SUSD6: variants seen among roughly 807,000 people sequenced by gnomAD.
The protein encoded by SUSD6 is sushi domain-containing protein 6.
In SUSD6, 16 loss-of-function variants were observed where a neutral mutation model predicts 28.4. That is an observed-to-expected ratio of 0.56 (90% CI 0.38 to 0.86). The LOEUF is 0.86. SUSD6 is among the 40% of genes least tolerant of loss of function. The pLI, the probability that SUSD6 is intolerant of heterozygous loss-of-function variation, is 0.00. For missense variants in SUSD6, 341 were observed against 384.2 expected, an observed-to-expected ratio of 0.89 and a Z score of 0.94; for synonymous variants, 147 against 159.6, an observed-to-expected ratio of 0.92 and a Z score of 0.59.
intron 2 of SUSD6, among the ~76,000 whole-genome samples, chr14:69,671,544 G>A (rs1885832497): frequency 6.6e-6 from 1 of 152,216 alleles, no homozygotes; most frequent in African/African-American, 2.4e-5. Flanking sequence ...TCCCATGTGG[G>A]TCTTATCTGG....
intron 2 of SUSD6, among the ~76,000 whole-genome samples, chr14:69,671,949 A>G (rs1488498934): frequency 6.6e-6 from 1 of 152,224 alleles, no homozygotes; most frequent in East Asian, 1.9e-4. Context: ...GGAATAGTTA[A>G]GATTGTGAAT....
At chr14:69,635,595 CCACACACACACACACACA>C (rs3048696) in intron 1 of SUSD6, among the ~76,000 whole-genome samples, 15 of 143,514 alleles carry the variant, frequency 1.0e-4, no homozygotes, top group African/African-American at 2.3e-4. Context: ...CCAAGGCACA[CCACACACACACACACACA>C]CACACACACA....
chr14:69,636,095 G>A (rs533918501), intron 1 of SUSD6, among the ~76,000 whole-genome samples: 86 of 152,332 alleles, frequency 5.6e-4, no homozygotes, highest in Non-Finnish European at 8.8e-4. Context: ...GAGAAGAGGA[G>A]GAATTGTGCC....
chr14:69,669,752 C>T lies in SUSD6; in HGVS notation c.121+11039C>T, dbSNP rs558496352. 5.3e-5 allele frequency among the ~76,000 whole-genome samples: 8 copies of T among 152,298 alleles called. 1 individual carries two copies. In the South Asian group the frequency reaches 1.7e-3, roughly 32 times the overall value. ...CTTAGCTTCTTCTGTGGAACATCAC[C>T]CATCTCTCTTACCACTAGAATTAAT... On this transcript the variant is annotated intron_variant, in intron 2 of 5. Coordinates refer to ENST00000342745, the MANE Select transcript of SUSD6 (RefSeq NM_014734.4).
At chr14:69,677,546 CAAAA>C (rs57290539) in intron 2 of SUSD6, among the ~76,000 whole-genome samples, 18 of 114,460 alleles carry the variant, frequency 1.6e-4, no homozygotes, top group Admixed American at 1.8e-4. Context: ...GACTCCGTCT[CAAAA>C]AAAAAAAAAA....
At chr14:69,652,453 G>A (rs755464210) in intron 1 of SUSD6, among the ~76,000 whole-genome samples, 71 of 151,848 alleles carry the variant, frequency 4.7e-4, no homozygotes, top group South Asian at 1.0e-3. Context: ...ACTCTGTCTC[G>A]GAAAAAATAA....
At chr14:69,672,167 C>T (rs1438469023) in intron 2 of SUSD6, among the ~76,000 whole-genome samples, 1 of 152,182 alleles carries the variant, frequency 6.6e-6, no homozygotes, top group Non-Finnish European at 1.5e-5. Flanking sequence ...TATGCAAGAT[C>T]AAACACAAGT....
At chr14:69,668,752 C>A (rs981165481) in intron 2 of SUSD6, among the ~76,000 whole-genome samples, 14 of 152,112 alleles carry the variant, frequency 9.2e-5, no homozygotes, top group Non-Finnish European at 1.9e-4. Flanking sequence ...ATCATGGGAG[C>A]AGATTCCTCA....
At chr14:69,616,513 C>T (rs909295599) in intron 1 of SUSD6, among the ~76,000 whole-genome samples, 3 of 152,184 alleles carry the variant, frequency 2.0e-5, no homozygotes, top group Non-Finnish European at 4.4e-5. Flanking sequence ...AGATTGTTCT[C>T]AGTTGAGCTC....
chr14:69,674,295 G>A (rs2139625436), intron 2 of SUSD6, among the ~76,000 whole-genome samples: 2 of 152,204 alleles, frequency 1.3e-5, no homozygotes, highest in Middle Eastern at 3.4e-3. Flanking sequence ...CTCATGGTAG[G>A]CCTGTGTGCA....
intron 1 of SUSD6, among the ~76,000 whole-genome samples, chr14:69,623,469 A>G (rs961590261): frequency 6.6e-6 from 1 of 152,208 alleles, no homozygotes; most frequent in Non-Finnish European, 1.5e-5. Flanking sequence ...TGTATAGTAC[A>G]TAATACTTGA....
intron 2 of SUSD6, among the ~76,000 whole-genome samples, chr14:69,659,477 C>T (rs1327054383): frequency 6.6e-6 from 1 of 152,202 alleles, no homozygotes; most frequent in Non-Finnish European, 1.5e-5. Context: ...CGGGCCCTAG[C>T]AGGGGCTAGA....
chr14:69,660,629 A>G (rs756233266), intron 2 of SUSD6, among the ~76,000 whole-genome samples: 2 of 152,258 alleles, frequency 1.3e-5, no homozygotes, highest in Non-Finnish European at 2.9e-5. Flanking sequence ...CTGTGTCTTT[A>G]GAGCAGAAGT....
chr14:69,688,440 A>G (rs1254809619), intron 2 of SUSD6, among the ~76,000 whole-genome samples: 1 of 152,228 alleles, frequency 6.6e-6, no homozygotes, highest in Non-Finnish European at 1.5e-5. Context: ...CAGCTTGTGC[A>G]TAGAGGACCT....
intron 2 of SUSD6, among the ~76,000 whole-genome samples, chr14:69,678,201 C>T (rs759159021): frequency 2.6e-5 from 4 of 151,884 alleles, no homozygotes; most frequent in African/African-American, 4.8e-5. Context: ...TGTAACCTTC[C>T]GTAGCATACT....
intron 1 of SUSD6, among the ~76,000 whole-genome samples, chr14:69,629,721 G>A (rs559978224): frequency 2.6e-5 from 4 of 152,216 alleles, no homozygotes; most frequent in South Asian, 2.1e-4. Context: ...GCTTCTTGCC[G>A]TGAGGCTGGG....
chr14:69,618,570 A>G (rs1191779449), intron 1 of SUSD6, among the ~76,000 whole-genome samples: 1 of 152,248 alleles, frequency 6.6e-6, no homozygotes, highest in African/African-American at 2.4e-5. Context: ...GGGATAGGGC[A>G]TATGCCCTTT....
chr14:69,658,638 G>A lies in SUSD6; in HGVS notation c.46G>A (p.Val16Met). The A allele has an allele frequency of 1.9e-6, 3 of 1,614,082 alleles. No homozygotes were observed. Among genetic ancestry groups the A allele is most frequent in the African/African-American group, 1.3e-5 (1 of 75,046 alleles). ...IAPKSTSVFA[V>M]ASVGHGVFLP... The stretch of plus-strand genomic sequence containing the variant: ...ACCAAAGAGCACCTCAGTGTTTGCC[G>A]TGGCCTCCGTGGGACATGGAGTGTT... The change falls in exon 2 of 6, where the codon GTG becomes ATG. Residue 16 changes from valine to methionine, a missense_variant. Transcript: ENST00000342745.
intron 1 of SUSD6, among the ~76,000 whole-genome samples, chr14:69,621,342 GA>G (rs1444459130): frequency 2.0e-5 from 3 of 152,130 alleles, no homozygotes; most frequent in Non-Finnish European, 4.4e-5. Flanking sequence ...TGGTTTGAGT[GA>G]AAAACAAATA....
Sources: gnomAD v4.1 joint callset for allele counts (sites outside exome capture counted in the v4.1 genomes callset) on GRCh38, gnomAD v4.1.1 for gene constraint, MANE v1.5 for transcripts, NCBI Gene and HGNC (gene_info 2026-07-23, HGNC 2026-07-21) for gene names.